The following GPR39 variants were observed in gnomAD, a reference collection of about 807,000 sequenced individuals.
The protein encoded by GPR39 is zinc sensing receptor.
GPR39 carries 23 observed loss-of-function variants against 18.4 expected under a neutral mutation model. That is an observed-to-expected ratio of 1.25 (90% confidence interval 0.90 to 1.77). The LOEUF (loss-of-function observed/expected upper bound fraction) is 1.77. Ranked by LOEUF, GPR39 falls within the 40% of genes most tolerant of loss-of-function variation. The probability of loss-of-function intolerance (pLI) is 0.00; values close to 1 mark genes in which losing one functional copy is unlikely to be tolerated. For missense variants in GPR39, 647 were observed against 602.4 expected, an observed-to-expected ratio of 1.07 and a Z score of -0.78; for synonymous variants, 280 against 257.9, an observed-to-expected ratio of 1.09 and a Z score of -0.82.
intron 1 of GPR39, among the ~76,000 whole-genome samples, chr2:132,451,434 G>A (rs1322880282): frequency 1.3e-5 from 2 of 152,166 alleles, no homozygotes; most frequent in Non-Finnish European, 1.5e-5. Context: ...AGTGCCTTGA[G>A]CCATACCCAG....
At chr2:132,434,035 G>T (rs1680268243) in intron 1 of GPR39, among the ~76,000 whole-genome samples, 1 of 151,990 alleles carries the variant, frequency 6.6e-6, no homozygotes, top group African/African-American at 2.4e-5. Context: ...AGGAGAAGCA[G>T]CTTCTGATGA....
At chr2:132,475,132 T>A (rs895955008) in intron 1 of GPR39, among the ~76,000 whole-genome samples, 2 of 152,136 alleles carry the variant, frequency 1.3e-5, no homozygotes, top group Non-Finnish European at 2.9e-5. Flanking sequence ...CCAGGTATCC[T>A]TATCAGCTAA....
At chr2:132,589,699 A>C (rs963049255) in intron 1 of GPR39, among the ~76,000 whole-genome samples, 1 of 152,194 alleles carries the variant, frequency 6.6e-6, no homozygotes, top group Non-Finnish European at 1.5e-5. Flanking sequence ...TGGTTTTATT[A>C]GTTTTCAGCT....
chr2:132,448,875 C>A (rs1174458402), intron 1 of GPR39, among the ~76,000 whole-genome samples: 1 of 152,150 alleles, frequency 6.6e-6, no homozygotes, highest in Non-Finnish European at 1.5e-5. Context: ...CCCTTCTGTC[C>A]AGACACTGCA....
chr2:132,557,251 G>T (rs991903518), intron 1 of GPR39, among the ~76,000 whole-genome samples: 3 of 152,160 alleles, frequency 2.0e-5, no homozygotes, highest in African/African-American at 7.2e-5. Flanking sequence ...CCCAGGAGGG[G>T]AAGTTGGAGT....
intron 1 of GPR39, among the ~76,000 whole-genome samples, chr2:132,422,462 G>A (rs1162401800): frequency 1.3e-5 from 2 of 150,194 alleles, no homozygotes; most frequent in East Asian, 3.9e-4. Flanking sequence ...CTTTGACAGT[G>A]CCCATAAGAA....
intron 1 of GPR39, among the ~76,000 whole-genome samples, chr2:132,560,890 G>GC (rs1484049041): frequency 6.8e-6 from 1 of 147,292 alleles, no homozygotes; most frequent in Admixed American, 6.8e-5. Context: ...CTCACATTTT[G>GC]TTTTTTTTTG....
chr2:132,606,849 A>G (rs1681147328), intron 1 of GPR39, among the ~76,000 whole-genome samples: 1 of 152,158 alleles, frequency 6.6e-6, no homozygotes, highest in Non-Finnish European at 1.5e-5. Flanking sequence ...CAATGGCCAA[A>G]CTAACCTCCA....
intron 1 of GPR39, among the ~76,000 whole-genome samples, chr2:132,466,234 A>G (rs1012711845): frequency 1.3e-5 from 2 of 152,126 alleles, no homozygotes; most frequent in South Asian, 2.1e-4. Context: ...TACCTCAAAT[A>G]TTTTCTCAAT....
chr2:132,480,693 C>T (rs1324675959), intron 1 of GPR39, among the ~76,000 whole-genome samples: 1 of 152,126 alleles, frequency 6.6e-6, no homozygotes. Flanking sequence ...TGGAGGCTTT[C>T]CCAGAAATAG....
Position 132,645,137 on chromosome 2 carries a change from C to T in GPR39, c.893C>T (p.Pro298Leu). 2 of 1,613,928 alleles carry T rather than the reference C, an allele frequency of 1.2e-6. No individual in the cohort carries two copies. Among genetic ancestry groups the T allele is most frequent in the Non-Finnish European group, 1.7e-6 (2 of 1,179,912 alleles). The part of the protein sequence containing the change: ...IVVTLAVCWM[P>L]NQIRRIMAAA... ...GTGACATTGGCCGTATGCTGGATGC[C>T]CAACCAGATTCGGAGGATCATGGCT... Residue 298 changes from proline to leucine, a missense_variant, in exon 2 of 2, where the codon CCC becomes CTC. By Grantham distance (98) the Pro-to-Leu change is moderately conservative (BLOSUM62 -3). Coordinates refer to ENST00000329321, the MANE Select transcript of GPR39 (RefSeq NM_001508.3).
At chr2:132,446,019 G>C (rs943176343) in intron 1 of GPR39, among the ~76,000 whole-genome samples, 1 of 152,062 alleles carries the variant, frequency 6.6e-6, no homozygotes, top group African/African-American at 2.4e-5. Flanking sequence ...TGAGGAAGGG[G>C]GTGAAGTGCA....
At chr2:132,512,893 T>A (rs989864194) in intron 1 of GPR39, among the ~76,000 whole-genome samples, 1 of 152,248 alleles carries the variant, frequency 6.6e-6, no homozygotes, top group Non-Finnish European at 1.5e-5. Context: ...AATATTTTCA[T>A]TCTTTATTGC....
chr2:132,614,696 G>A (rs1000345203), intron 1 of GPR39, among the ~76,000 whole-genome samples: 1 of 151,972 alleles, frequency 6.6e-6, no homozygotes, highest in Admixed American at 6.5e-5. Flanking sequence ...GATTACAGGC[G>A]CATGCCACCA....
chr2:132,624,670 T>G (rs896686375), intron 1 of GPR39, among the ~76,000 whole-genome samples: 2 of 152,220 alleles, frequency 1.3e-5, no homozygotes. Context: ...CTCTACAAAA[T>G]CAAACAAAAT....
At chr2:132,492,092 A>C (rs1681475077) in intron 1 of GPR39, among the ~76,000 whole-genome samples, 2 of 149,412 alleles carry the variant, frequency 1.3e-5, no homozygotes, top group South Asian at 4.2e-4. Flanking sequence ...CACACCACAT[A>C]TATATATACA....
chr2:132,494,257 T>C (rs1681595860), intron 1 of GPR39, among the ~76,000 whole-genome samples: 1 of 152,156 alleles, frequency 6.6e-6, no homozygotes, highest in South Asian at 2.1e-4. Flanking sequence ...GGCTGATGCC[T>C]CCACATCCTC....
intron 1 of GPR39, among the ~76,000 whole-genome samples, chr2:132,576,260 T>C (rs1016815623): frequency 4.6e-5 from 7 of 152,358 alleles, no homozygotes; most frequent in East Asian, 1.9e-4. Context: ...TGGTTGCTTA[T>C]CTTTTTCTCC....
At chr2:132,421,338 C>T (rs769850796) in intron 1 of GPR39, among the ~76,000 whole-genome samples, 36 of 152,136 alleles carry the variant, frequency 2.4e-4, no homozygotes, top group South Asian at 8.3e-4. Flanking sequence ...TTAAAAAAAG[C>T]ATAGTTTTAA....
Sources: gnomAD v4.1 joint callset for allele counts (sites outside exome capture counted in the v4.1 genomes callset) on GRCh38, gnomAD v4.1.1 for gene constraint, MANE v1.5 for transcripts, NCBI Gene and HGNC (gene_info 2026-07-23, HGNC 2026-07-21) for gene names.